UQCRB: variants seen among roughly 807,000 people sequenced by gnomAD.
UQCRB encodes ubiquinol-cytochrome c reductase binding protein, also known as cytochrome b-c1 complex subunit 7.
A neutral mutation model predicts 19.8 loss-of-function variants in UQCRB; 12 were observed. The observed-to-expected ratio is 0.61, with a 90% CI of 0.39 to 0.98. The LOEUF (loss-of-function observed/expected upper bound fraction) is 0.98, where lower values mean the gene tolerates loss of function less well. Among genes scored for constraint, UQCRB ranks in the 50% least tolerant of loss-of-function variants. The pLI is 0.00. For missense variants in UQCRB, 142 were observed against 131.8 expected (o/e 1.08, Z -0.38); for synonymous variants, 39 against 42.9 (o/e 0.91, Z 0.35).
Position 96,231,016 on chromosome 8 carries a change from T to C in UQCRB, c.*39A>G, listed in dbSNP as rs772843601. 42 of 1,582,632 alleles carry C rather than the reference T, an allele frequency of 2.7e-5. No individual in the cohort carries two copies. In the Middle Eastern group the frequency reaches 1.5e-3, roughly 58 times the overall value. On this transcript the variant is annotated 3_prime_UTR_variant, in exon 4 of 4. Coordinates refer to ENST00000287022, the MANE Select transcript of UQCRB (RefSeq NM_006294.5). ...AAATTGTTTGTTTCAAGTTTAACCA[T>C]CTTCATAACAGCTGCATCCACAGAC...
chr8:96,235,500 C>G lies in UQCRB; in HGVS notation c.19+12G>C, dbSNP rs557037218. ...GCGACGATGCCGGCCAAGAAGACCC[C>G]CAGTTACTTACCGGCCTGCTTACCA... On this transcript the variant is annotated intron_variant, in intron 1 of 3. Coordinates refer to ENST00000287022, the MANE Select transcript of UQCRB (RefSeq NM_006294.5). 3 of 1,614,232 alleles carry G rather than the reference C, an allele frequency of 1.9e-6. No individual in the cohort carries two copies. The highest frequency in any genetic ancestry group is 2.2e-5 in the East Asian group (1 of 44,882).
At chr8:96,235,304 G>A in intron 1 of UQCRB, 5 of 698,272 alleles carry the variant, frequency 7.2e-6, no homozygotes, top group Non-Finnish European at 1.2e-5. Context: ...CAAACAGCGG[G>A]TTAACATCCC....
At position 96,228,917 on chromosome 8, in the gene UQCRB, T is replaced by C. The variant is rs1174765243; in HGVS notation, c.*2138A>G. The C allele has an allele frequency of 2.2e-6, 1 of 454,106 alleles. No individual in the cohort carries two copies. The highest frequency in any genetic ancestry group is 2.3e-5 in the Admixed American group (1 of 42,570). The allele number at this position is 454,106 out of a possible 1,614,324, so 28.1% of individuals were successfully genotyped here. On this transcript the variant is annotated 3_prime_UTR_variant, in exon 4 of 4. Transcript: ENST00000287022. Reference sequence around the variant, plus strand: ...GCCTGTGTTTCAGGCACTCTCATGGTGATTTTCCACACAGGACGGCTTTTG... The same window carrying C: ...GCCTGTGTTTCAGGCACTCTCATGGCGATTTTCCACACAGGACGGCTTTTG...
At chr8:96,235,448 A>C in intron 1 of UQCRB, 64 bp downstream of exon 1, 12 of 1,599,718 alleles carry the variant, frequency 7.5e-6, no homozygotes, top group South Asian at 2.2e-5. Context: ...AAACGGAGCA[A>C]GCTGCAGCAA....
rs1809480752 is a variant in UQCRB at position 96,223,594 on chromosome 8, C to A, written c.*7461G>T. ...TCAAGTGCCTGGGGTTGACAAAGAG[C>A]TTCTCTCAGTAGGCAGAATTTAATT... On this transcript the variant is annotated 3_prime_UTR_variant, in exon 4 of 4. Coordinates refer to ENST00000287022, the MANE Select transcript of UQCRB (RefSeq NM_006294.5). Among the ~76,000 whole-genome samples, 1 of 152,160 alleles carries A rather than the reference C, an allele frequency of 6.6e-6. No homozygotes were observed. The highest frequency in any genetic ancestry group is 2.4e-5 in the African/African-American group (1 of 41,428).
Position 96,225,325 on chromosome 8 carries a change from G to C in UQCRB, c.*5730C>G, listed in dbSNP as rs916235953. On this transcript the variant is annotated 3_prime_UTR_variant, in exon 4 of 4. Coordinates refer to ENST00000287022, the MANE Select transcript of UQCRB (RefSeq NM_006294.5). ...TAATGAGAGCACTCAGTGCAGGCAG[G>C]AATGCAATAAAGGGACCCTCGTGAT... Among the ~76,000 whole-genome samples the C allele has an allele frequency of 1.3e-5, 2 of 152,322 alleles. No homozygotes were observed. Among genetic ancestry groups the C allele is most frequent in the East Asian group, 3.9e-4 (2 of 5,182 alleles).
Position 96,229,196 on chromosome 8 carries a change from A to C in UQCRB, c.*1859T>G, listed in dbSNP as rs955265758. On this transcript the variant is annotated 3_prime_UTR_variant, in exon 4 of 4. Transcript: ENST00000287022. ...AGGCATACACTTTGGCTTTAGGAAG[A>C]ACTCTTACAAAATCAGAGGTTGCCT... 8.8e-6 allele frequency: 4 copies of C among 454,042 alleles called. No homozygotes were observed. Among genetic ancestry groups the C allele is most frequent in the Non-Finnish European group, 1.3e-5 (3 of 226,808 alleles). 28.1% of individuals were successfully genotyped at this position (454,042 alleles called of 1,614,324 possible). A position where few individuals can be genotyped will look rare whatever the true frequency, so the allele number is the denominator to read the frequency against.
rs565324331 is a variant in UQCRB, at chr8:96,224,298, T to C, written c.*6757A>G. On this transcript the variant is annotated 3_prime_UTR_variant, in exon 4 of 4. Transcript: ENST00000287022. The stretch of plus-strand genomic sequence containing the variant: ...TGTAGGAATCTTGAGAGGGGCTGCC[T>C]GACAGGAGCTGTAGCTTTCTTCAGA... 1.6e-3 allele frequency among the ~76,000 whole-genome samples: 238 copies of C among 152,292 alleles called. No homozygotes were observed. Among genetic ancestry groups the C allele is most frequent in the African/African-American group, 5.6e-3 (233 of 41,558 alleles).
Position 96,235,311 on chromosome 8 carries a change from T to C in UQCRB, c.19+201A>G, listed in dbSNP as rs1809783263. 1.5e-5 allele frequency: 11 copies of C among 755,068 alleles called. No individual in the cohort carries two copies. The South Asian group carries it at 1.8e-4, about 12-fold the overall frequency. 46.8% of individuals were successfully genotyped at this position (755,068 alleles called of 1,614,324 possible). ...CACCTTCACAAACAGCGGGTTAACATCCCAACCCTATACAGGCAAGCCCGC... is the reference window on the plus strand; with the variant it reads ...CACCTTCACAAACAGCGGGTTAACACCCCAACCCTATACAGGCAAGCCCGC... On this transcript the variant is annotated intron_variant, in intron 1 of 3. Transcript: ENST00000287022.
intron 3 of UQCRB, 114 bp from the exon 4 acceptor site, chr8:96,231,246 A>T (rs1182506503): frequency 6.2e-7 from 1 of 1,601,580 alleles, no homozygotes; most frequent in Non-Finnish European, 8.5e-7. Context: ...CCAATTTTAG[A>T]AAACATATTC....
rs1180720709 is a variant in UQCRB, at chr8:96,231,793, T to TTG, written c.238_239insCA (p.Gln80ProfsTer17). The TTG allele has an allele frequency of 6.2e-7, 1 of 1,614,106 alleles. No homozygotes were observed. Among genetic ancestry groups the TTG allele is most frequent in the Non-Finnish European group, 8.5e-7 (1 of 1,180,044 alleles). ...TGCTACCTCTTCATATTTGGTCCAC[T>TTG]GCTCTTTAGGCAAGATCTGATGCTT... On this transcript the variant is annotated frameshift_variant, in exon 3 of 4. Coordinates refer to ENST00000287022, the MANE Select transcript of UQCRB (RefSeq NM_006294.5). LOFTEE classifies it high-confidence loss of function.
In UQCRB at chr8:96,223,685, G is replaced by C. The variant is rs1033465291; in HGVS notation, c.*7370C>G. ...GAGGATTGCAAGTGCCATTGCAGGG[G>C]ACTGAGAATAGAAGGAAAAAAGGTT... is the stretch of plus-strand genomic sequence containing the variant. On this transcript the variant is annotated 3_prime_UTR_variant, in exon 4 of 4. Transcript: ENST00000287022. 1.3e-5 allele frequency among the ~76,000 whole-genome samples: 2 copies of C among 152,192 alleles called. No homozygotes were observed. The highest frequency in any genetic ancestry group is 2.9e-5 in the Non-Finnish European group (2 of 68,030).
Position 96,224,191 on chromosome 8 carries a change from G to A in UQCRB, c.*6864C>T, listed in dbSNP as rs1809490588. On this transcript the variant is annotated 3_prime_UTR_variant, in exon 4 of 4. Transcript: ENST00000287022. ...CAAACCAAAGAATGTCCAATGAAGG[G>A]ACAATTAACAAACGGCAGGCAAGGT... Among the ~76,000 whole-genome samples, 1 of 152,176 alleles carries A rather than the reference G, an allele frequency of 6.6e-6. No homozygotes were observed. The highest frequency in any genetic ancestry group is 2.1e-4 in the South Asian group (1 of 4,830).
intron 3 of UQCRB, chr8:96,231,519 G>A (rs1247986710): frequency 3.9e-6 from 6 of 1,521,358 alleles, no homozygotes; most frequent in Non-Finnish European, 5.3e-6. Context: ...CAAAGACCTG[G>A]GAGGCAACAG....
chr8:96,231,882 T>G lies in UQCRB; in HGVS notation c.150A>C (p.Arg50Ser). 1 of 1,614,058 alleles carries G rather than the reference T, an allele frequency of 6.2e-7. No individual in the cohort carries two copies. Among genetic ancestry groups the G allele is most frequent in the South Asian group, 1.1e-5 (1 of 91,090 alleles). The change falls in exon 3 of 4, where the codon AGA (arginine) becomes AGC (serine). Residue 50 changes from arginine (R) to serine (S), a missense_variant. Transcript: ENST00000287022. ...TGTCATTATAAAGGTTCTCAGGAAG[T>G]CTTCTTATGGCTTCTTTTACATCTT... ...EDEDVKEAIR[R>S]LPENLYNDRM...
At chr8:96,235,338 C>A (rs1364592503) in intron 1 of UQCRB, 174 bp downstream of exon 1, 1 of 983,600 alleles carries the variant, frequency 1.0e-6, no homozygotes, top group African/African-American at 1.6e-5. Context: ...CAAGCCCGCC[C>A]TGGGGACAGC....
Position 96,230,560 on chromosome 8 carries a change from T to C in UQCRB, c.*495A>G, listed in dbSNP as rs1809642333. On this transcript the variant is annotated 3_prime_UTR_variant, in exon 4 of 4. Transcript: ENST00000287022. ...ACATCTTTTTGTTTTCTAGTATACATGTTAGCACAGGAGTATGTATATTAC... is the reference window on the plus strand; with the variant it reads ...ACATCTTTTTGTTTTCTAGTATACACGTTAGCACAGGAGTATGTATATTAC... The C allele has an allele frequency of 2.2e-6, 1 of 454,306 alleles. No individual in the cohort carries two copies. Among genetic ancestry groups the C allele is most frequent in the South Asian group, 1.6e-5 (1 of 64,458 alleles). 28.1% of individuals were successfully genotyped at this position (454,306 alleles called of 1,614,324 possible).
In UQCRB at chr8:96,230,947, G is replaced by A. The variant is rs768249354; in HGVS notation, c.*108C>T. The A allele has an allele frequency of 1.7e-6, 2 of 1,159,442 alleles. No individual in the cohort carries two copies. Among genetic ancestry groups the A allele is most frequent in the South Asian group, 2.5e-5 (2 of 80,752 alleles). The allele number at this position is 1,159,442 out of a possible 1,614,324, so 71.8% of individuals were successfully genotyped here. On this transcript the variant is annotated 3_prime_UTR_variant, in exon 4 of 4. Coordinates refer to ENST00000287022, the MANE Select transcript of UQCRB (RefSeq NM_006294.5). ...TTCAAAAACTCCAGCCATTACAATA[G>A]ACATTTATTTAAAGTAAAACATCTT...
rs887317869 is a variant in UQCRB at position 96,226,147 on chromosome 8, T to A, written c.*4908A>T. On this transcript the variant is annotated 3_prime_UTR_variant, in exon 4 of 4. Coordinates refer to ENST00000287022, the MANE Select transcript of UQCRB (RefSeq NM_006294.5). ...CCTAGCTTCTGCCTAGCCTGGAACA[T>A]AAACACATACATCAATTTAAAAAAT... The A allele has an allele frequency of 6.6e-6, 1 of 152,206 alleles. No homozygotes were observed. Among genetic ancestry groups the A allele is most frequent in the Non-Finnish European group, 1.5e-5 (1 of 68,044 alleles). The allele number at this position is 152,206 out of a possible 1,614,324, so 9.4% of individuals were successfully genotyped here.
Sources: allele counts gnomAD v4.1 joint callset (sites outside exome capture counted in the v4.1 genomes callset), GRCh38; gene constraint gnomAD v4.1.1; transcripts MANE v1.5; gene names NCBI Gene and HGNC (gene_info 2026-07-23, HGNC 2026-07-21).